Variants in FAAH2 observed in about 807,000 individuals in gnomAD.
FAAH2 encodes the protein fatty-acid amide hydrolase 2.
In FAAH2, 60 loss-of-function variants were observed where a neutral mutation model predicts 36.9. The observed-to-expected ratio is 1.63, with a 90% confidence interval of 1.32 to 2.02. FAAH2 has a LOEUF of 2.02. Among genes scored for constraint, FAAH2 ranks in the 30% most tolerant of loss-of-function variants. The probability of loss-of-function intolerance (pLI) is 0.00; values close to 1 mark genes in which losing one functional copy is unlikely to be tolerated. For missense variants in FAAH2, 689 were observed against 397.5 expected (o/e 1.73, Z -6.23); for synonymous variants, 214 against 143.8 (o/e 1.49, Z -3.49).
intron 5 of FAAH2, among the ~76,000 whole-genome samples, chrX:57,353,431 T>C (rs1002192900): frequency 1.0e-5 from 1 of 98,037 alleles, no homozygotes; most frequent in Non-Finnish European, 2.1e-5. Context: ...TATTTTGTCA[T>C]ATACAAAAAT....
At chrX:57,395,069 G>A in intron 7 of FAAH2, 2 of 551,602 alleles carry the variant, frequency 3.6e-6, no homozygotes, top group Admixed American at 2.2e-5. Context: ...AGGTGCAATA[G>A]CATTGATCAC....
chrX:57,155,106 C>G, the FAAH2 span, among the ~76,000 whole-genome samples: 22 of 111,899 alleles, frequency 2.0e-4, no homozygotes, highest in East Asian at 6.2e-3. Context: ...TAAATGGACT[C>G]TGTGAGGGTC....
chrX:57,387,408 G>C (rs1446636100), intron 7 of FAAH2, among the ~76,000 whole-genome samples: 1 of 111,199 alleles, frequency 9.0e-6, no homozygotes, highest in Non-Finnish European at 1.9e-5. Flanking sequence ...ACCTAAAATA[G>C]GATGTACGAT....
At chrX:57,300,888 A>C (rs1168360692) in intron 2 of FAAH2, among the ~76,000 whole-genome samples, 1 of 112,425 alleles carries the variant, frequency 8.9e-6, no homozygotes, top group Non-Finnish European at 1.9e-5. Flanking sequence ...CATCAGAGAA[A>C]TGCAAATCAA....
chrX:57,217,973 G>A, the FAAH2 span, among the ~76,000 whole-genome samples: 1 of 111,278 alleles, frequency 9.0e-6, no homozygotes, highest in Admixed American at 9.6e-5. Context: ...GTGTTTTATA[G>A]TTTTCCTTGA....
At chrX:57,167,218 A>G in the FAAH2 span, among the ~76,000 whole-genome samples, 1 of 111,386 alleles carries the variant, frequency 9.0e-6, no homozygotes, top group Non-Finnish European at 1.9e-5. Context: ...TAACTGTAAC[A>G]CATAAACAAA....
At chrX:57,306,949 CTATA>C (rs1374352754) in intron 2 of FAAH2, among the ~76,000 whole-genome samples, 1 of 53,922 alleles carries the variant, frequency 1.9e-5, no homozygotes, top group Non-Finnish European at 3.9e-5. Context: ...CTATATAGTA[CTATA>C]TATGTATATA....
the FAAH2 span, among the ~76,000 whole-genome samples, chrX:57,271,122 A>T: frequency 0.21 from 23,478 of 111,677 alleles, 2,275 homozygotes; most frequent in Middle Eastern, 0.56. Context: ...TCTGAGGTCC[A>T]CCTGGGACAT....
chrX:57,358,559 A>ATG (rs1223214129), intron 5 of FAAH2, among the ~76,000 whole-genome samples: 2 of 110,633 alleles, frequency 1.8e-5, no homozygotes, highest in African/African-American at 3.3e-5. Context: ...TTATATATGT[A>ATG]TGTGTGTGTG....
At chrX:57,377,698 G>C (rs143035707) in intron 5 of FAAH2, among the ~76,000 whole-genome samples, 309 of 112,154 alleles carry the variant, frequency 2.8e-3, no homozygotes, top group African/African-American at 9.4e-3. Flanking sequence ...ATGGTAGCTT[G>C]ATACGGATAG....
At chrX:57,478,425 C>T (rs1051380675) in intron 10 of FAAH2, among the ~76,000 whole-genome samples, 6 of 110,886 alleles carry the variant, frequency 5.4e-5, no homozygotes, top group African/African-American at 1.6e-4. Context: ...AAAATTTTCT[C>T]CCATTTTGTA....
chrX:57,443,133 A>G (rs186099502), intron 8 of FAAH2, among the ~76,000 whole-genome samples: 1 of 111,666 alleles, frequency 9.0e-6, no homozygotes, highest in African/African-American at 3.3e-5. Flanking sequence ...CATTCTCTGT[A>G]GTTCCTGAAT....
chrX:57,477,153 C>A (rs189154728), intron 10 of FAAH2, among the ~76,000 whole-genome samples: 52 of 110,164 alleles, frequency 4.7e-4, no homozygotes, highest in Non-Finnish European at 9.5e-5. Flanking sequence ...AAAACCTGTT[C>A]CTGGAGTCAT....
chrX:57,195,979 G>A, the FAAH2 span, among the ~76,000 whole-genome samples: 317 of 111,837 alleles, frequency 2.8e-3, no homozygotes, highest in African/African-American at 9.5e-3. Flanking sequence ...TTATACCAGC[G>A]CCATGCTATT....
chrX:57,349,166 C>CACATATATATATTATAT (rs2053918475), intron 5 of FAAH2, among the ~76,000 whole-genome samples: 5 of 50,581 alleles, frequency 9.9e-5, no homozygotes, highest in East Asian at 7.2e-4. Flanking sequence ...ATAATATATA[C>CACATATATATATTATAT]ACATATATAT....
chrX:57,359,037 C>G (rs759354876), intron 5 of FAAH2, among the ~76,000 whole-genome samples: 14 of 111,327 alleles, frequency 1.3e-4, no homozygotes, highest in Non-Finnish European at 2.3e-4. Context: ...GTGTTACAAA[C>G]AATCCAATTA....
the FAAH2 span, among the ~76,000 whole-genome samples, chrX:57,240,636 C>G: frequency 5.3e-5 from 6 of 112,331 alleles, no homozygotes; most frequent in Non-Finnish European, 9.4e-5. Flanking sequence ...GTGCACACCA[C>G]CAGCAGCAGC....
At chrX:57,344,131 T>G (rs1341848005) in intron 5 of FAAH2, among the ~76,000 whole-genome samples, 7 of 110,697 alleles carry the variant, frequency 6.3e-5, no homozygotes. Context: ...AGCTTTTTTT[T>G]TTTTTAAATT....
rs760760148 is a variant in FAAH2, at chrX:57,287,027, C to A, written c.192+10C>A. On this transcript the variant is annotated intron_variant, in intron 1 of 10. Transcript: ENST00000374900. ...GATCCGACAGAGAAAGGTGAGAATGCAATTCAGAAGAGGCTGGAGGGACAG... is the reference window on the plus strand; with the variant it reads ...GATCCGACAGAGAAAGGTGAGAATGAAATTCAGAAGAGGCTGGAGGGACAG... The A allele has an allele frequency of 3.4e-6, 4 of 1,171,686 alleles. No individual in the cohort carries two copies. In the South Asian group the frequency reaches 7.9e-5, roughly 23 times the overall value.
Sources: allele counts gnomAD v4.1 joint callset (sites outside exome capture counted in the v4.1 genomes callset), GRCh38; gene constraint gnomAD v4.1.1; transcripts MANE v1.5; gene names NCBI Gene and HGNC (gene_info 2026-07-23, HGNC 2026-07-21).